Variants in PTPRD observed in about 807,000 individuals in gnomAD.
PTPRD encodes the protein receptor-type tyrosine-protein phosphatase delta.
Under a neutral mutation model 214.5 loss-of-function variants are expected in PTPRD, and 34 were observed. That is an observed-to-expected ratio of 0.16 (90% CI 0.12 to 0.21). The LOEUF is 0.21. PTPRD is among the 10% of genes least tolerant of loss of function. The pLI is 1.00. For synonymous variants in PTPRD, 1,128 were observed against 845.7 expected, an observed-to-expected ratio of 1.33 and a Z score of -5.79; for missense variants, 2,545 against 2,398.7, an observed-to-expected ratio of 1.06 and a Z score of -1.27.
chr9:10,012,332 A>T (rs1180105794), intron 4 of PTPRD, among the ~76,000 whole-genome samples: 1 of 151,870 alleles, frequency 6.6e-6, no homozygotes, highest in African/African-American at 2.4e-5. Context: ...AGAAGAAAAA[A>T]AATTAGCTAA....
At position 9,294,166 on chromosome 9, in the gene PTPRD, C is replaced by G. The variant is rs1045130758; in HGVS notation, c.-203+103283G>C. Among the ~76,000 whole-genome samples the G allele has an allele frequency of 2.0e-5, 3 of 151,534 alleles. No individual in the cohort carries two copies. The Admixed American group carries it at 2.0e-4, about 10-fold the overall frequency. On this transcript the variant is annotated intron_variant, in intron 9 of 45. Transcript: ENST00000381196. The stretch of plus-strand genomic sequence containing the variant: ...AGGGATGACATGAAATTTCATCACA[C>G]TACTAAGAATGTTGTGAAATGTAAA...
chr9:8,638,242 T>TA (rs369094060), intron 12 of PTPRD, among the ~76,000 whole-genome samples: 5 of 152,188 alleles, frequency 3.3e-5, no homozygotes, highest in African/African-American at 1.2e-4. Context: ...CCTTGGATTA[T>TA]AAAAAAGAAA....
intron 6 of PTPRD, among the ~76,000 whole-genome samples, chr9:9,748,156 G>A (rs1428643629): frequency 6.6e-6 from 1 of 152,120 alleles, no homozygotes; most frequent in African/African-American, 2.4e-5. Flanking sequence ...ATAGTGGGTT[G>A]CTGTGTTTTC....
chr9:9,031,647 G>GT (rs2099605849), intron 10 of PTPRD, among the ~76,000 whole-genome samples: 1 of 152,026 alleles, frequency 6.6e-6, no homozygotes, highest in Admixed American at 6.6e-5. Flanking sequence ...CTGGAATGTT[G>GT]TATATATAAA....
At chr9:9,007,087 A>T (rs910766770) in intron 11 of PTPRD, among the ~76,000 whole-genome samples, 2 of 152,012 alleles carry the variant, frequency 1.3e-5, no homozygotes, top group Admixed American at 6.6e-5. Context: ...TTATAAAATT[A>T]AAATACTGTG....
intron 5 of PTPRD, among the ~76,000 whole-genome samples, chr9:9,897,001 G>A (rs1283587701): frequency 6.6e-6 from 1 of 151,954 alleles, no homozygotes; most frequent in Non-Finnish European, 1.5e-5. Context: ...CTCAATGGAG[G>A]CAATGATGGT....
chr9:9,123,041 CA>C (rs1276887351), intron 10 of PTPRD, among the ~76,000 whole-genome samples: 1 of 152,172 alleles, frequency 6.6e-6, no homozygotes, highest in African/African-American at 2.4e-5. Flanking sequence ...TTTGTTTTAG[CA>C]AGCCTGATAT....
chr9:8,465,394 C>A, intron 32 of PTPRD, 72 bp downstream of exon 32: 3 of 1,411,856 alleles, frequency 2.1e-6, no homozygotes, highest in Admixed American at 1.8e-5. Flanking sequence ...CCCACAAATC[C>A]CCAAATAACC....
intron 7 of PTPRD, among the ~76,000 whole-genome samples, chr9:9,591,940 A>G (rs2092771530): frequency 6.6e-6 from 1 of 152,000 alleles, no homozygotes; most frequent in African/African-American, 2.4e-5. Flanking sequence ...TTTGTACCCA[A>G]TCACCGGTCT....
At chr9:10,332,476 G>C (rs533278450) in intron 3 of PTPRD, among the ~76,000 whole-genome samples, 68 of 151,728 alleles carry the variant, frequency 4.5e-4, no homozygotes, top group African/African-American at 1.1e-3. Context: ...TTAGTGAGCA[G>C]AGAAAAAAAC....
chr9:10,416,512 T>C (rs2098490441), intron 2 of PTPRD, among the ~76,000 whole-genome samples: 1 of 151,800 alleles, frequency 6.6e-6, no homozygotes, highest in Admixed American at 6.6e-5. Flanking sequence ...AAGTAGAGAT[T>C]TCACTGGGAA....
intron 11 of PTPRD, among the ~76,000 whole-genome samples, chr9:8,763,809 C>A (rs1372583387): frequency 6.6e-6 from 1 of 152,008 alleles, no homozygotes; most frequent in Non-Finnish European, 1.5e-5. Context: ...CAAAATGAGA[C>A]CATGAGCACA....
intron 10 of PTPRD, among the ~76,000 whole-genome samples, chr9:9,134,751 T>C (rs2099848256): frequency 6.6e-6 from 1 of 152,166 alleles, no homozygotes. Flanking sequence ...TATTTCTTTA[T>C]TGCATGATTC....
At chr9:8,319,743 C>G (rs1419234338) in intron 45 of PTPRD, 88 bp downstream of exon 45, 4 of 1,480,336 alleles carry the variant, frequency 2.7e-6, no homozygotes, top group South Asian at 2.5e-5. Flanking sequence ...TATTTTGTGT[C>G]TGGTGTTGAG....
chr9:9,803,179 C>G (rs1410238139), intron 5 of PTPRD, among the ~76,000 whole-genome samples: 1 of 150,470 alleles, frequency 6.6e-6, no homozygotes, highest in Admixed American at 6.7e-5. Flanking sequence ...TTGTGGTGGT[C>G]TAATATTGGA....
intron 11 of PTPRD, among the ~76,000 whole-genome samples, chr9:8,934,205 G>T (rs1253436037): frequency 6.6e-6 from 1 of 150,812 alleles, no homozygotes; most frequent in South Asian, 2.1e-4. Context: ...AAAAAGAATG[G>T]AAAGATAGGA....
intron 3 of PTPRD, among the ~76,000 whole-genome samples, chr9:10,101,309 T>A (rs759800443): frequency 9.0e-4 from 136 of 151,718 alleles, no homozygotes; most frequent in Non-Finnish European, 1.3e-3. Flanking sequence ...TAAAAATGCC[T>A]CCTCAAGCAG....
chr9:8,692,537 A>G (rs1053610062), intron 12 of PTPRD, among the ~76,000 whole-genome samples: 4 of 152,208 alleles, frequency 2.6e-5, no homozygotes, highest in Admixed American at 6.5e-5. Flanking sequence ...TCTTGAAAAT[A>G]AAGAACGTAT....
intron 11 of PTPRD, among the ~76,000 whole-genome samples, chr9:8,993,846 C>A (rs2099386685): frequency 6.6e-6 from 1 of 152,076 alleles, no homozygotes; most frequent in Non-Finnish European, 1.5e-5. Flanking sequence ...AGTTATACAA[C>A]AGCTCATTTA....
Sources: allele counts gnomAD v4.1 joint callset (sites outside exome capture counted in the v4.1 genomes callset), GRCh38; gene constraint gnomAD v4.1.1; transcripts MANE v1.5; gene names NCBI Gene and HGNC (gene_info 2026-07-23, HGNC 2026-07-21).